ZNF264: variants seen among roughly 807,000 people sequenced by gnomAD.
ZNF264 encodes zinc finger protein 264.
A neutral mutation model predicts 11.2 loss-of-function variants in ZNF264; 11 were observed. That is an observed-to-expected ratio of 0.98 (90% confidence interval 0.62 to 1.63). The LOEUF is 1.63. ZNF264 is among the 40% of genes most tolerant of loss of function. ZNF264 has a pLI of 0.00. For synonymous variants in ZNF264, 309 were observed against 279.8 expected (o/e 1.10, Z -1.04); for missense variants, 752 against 768.1 (o/e 0.98, Z 0.25).
rs201625586 is a variant in ZNF264, at chr19:57,211,465, T to G, written c.368T>G (p.Leu123Trp). The change falls in exon 4 of 4, where the codon TTG becomes TGG. Residue 123 changes from leucine to tryptophan, a missense_variant. By Grantham distance (61) the Leu-to-Trp change is moderately conservative (BLOSUM62 -2). Coordinates refer to ENST00000263095, the MANE Select transcript of ZNF264 (RefSeq NM_003417.5). ...VTQGNSVDSQ[L>W]GQAEDQDGLS... The stretch of plus-strand genomic sequence containing the variant: ...CAAGGAAACTCAGTGGACTCACAGT[T>G]GGGGCAAGCCGAGGATCAGGATGGG... 6 of 1,613,972 alleles carry G rather than the reference T, an allele frequency of 3.7e-6. No homozygotes were observed. Among genetic ancestry groups the G allele is most frequent in the Non-Finnish European group, 4.2e-6 (5 of 1,180,026 alleles).
At chr19:57,209,415 A>G (rs1201544880) in intron 3 of ZNF264, among the ~76,000 whole-genome samples, 1 of 152,196 alleles carries the variant, frequency 6.6e-6, no homozygotes, top group East Asian at 1.9e-4. Context: ...ATCAAGTTCC[A>G]TAGTTAAGTA....
chr19:57,200,729 A>T (rs1482316192), intron 2 of ZNF264, among the ~76,000 whole-genome samples: 1 of 151,792 alleles, frequency 6.6e-6, no homozygotes, highest in African/African-American at 2.4e-5. Context: ...CTCATGCCTC[A>T]GCCACTTAAG....
At chr19:57,192,011 G>A in intron 1 of ZNF264, 65 bp downstream of exon 1, 1 of 1,418,924 alleles carries the variant, frequency 7.0e-7, no homozygotes. Context: ...TCCGAAGTGG[G>A]TGGGAGCCCA....
rs2087353584 is a variant in ZNF264, at chr19:57,213,046, T to C, written c.*65T>C. ...AGTCATATTAGAAATTCGTTCAGTC[T>C]AGAGCCTTATTCTCCATCTGATAAT... On this transcript the variant is annotated 3_prime_UTR_variant, in exon 4 of 4. Transcript: ENST00000263095. The C allele has an allele frequency of 6.8e-7, 1 of 1,467,830 alleles. No homozygotes were observed. The highest frequency in any genetic ancestry group is 1.3e-5 in the South Asian group (1 of 75,618). 90.9% of individuals were successfully genotyped at this position (1,467,830 alleles called of 1,614,324 possible). A position where few individuals can be genotyped will look rare whatever the true frequency, so the allele number is the denominator to read the frequency against.
rs903726558 is a variant in ZNF264 at position 57,200,733 on chromosome 19, A to G, written c.161-4664A>G. 1.4e-4 allele frequency among the ~76,000 whole-genome samples: 21 copies of G among 151,614 alleles called. 1 individual carries two copies. The highest frequency in any genetic ancestry group is 1.3e-3 in the Admixed American group (20 of 15,214). On this transcript the variant is annotated intron_variant, in intron 2 of 3. Transcript: ENST00000263095. ...TTCAAGCAATTCTCATGCCTCAGCC[A>G]CTTAAGTAGCTGGGACTACAGGTGT...
At position 57,213,012 on chromosome 19, in the gene ZNF264, C is replaced by T. The variant is rs888183493; in HGVS notation, c.*31C>T. ...CCTTCTGTTGCTGAATATTACTTGT[C>T]ATCTGAAGAGTCATATTAGAAATTC... is the stretch of plus-strand genomic sequence containing the variant. On this transcript the variant is annotated 3_prime_UTR_variant, in exon 4 of 4. Coordinates refer to ENST00000263095, the MANE Select transcript of ZNF264 (RefSeq NM_003417.5). The T allele has an allele frequency of 6.4e-7, 1 of 1,574,060 alleles. No individual in the cohort carries two copies. The highest frequency in any genetic ancestry group is 8.6e-7 in the Non-Finnish European group (1 of 1,159,286).
Position 57,219,379 on chromosome 19 carries a change from C to T in ZNF264, c.*6398C>T, listed in dbSNP as rs1483167751. 6.6e-6 allele frequency: 1 copy of T among 152,270 alleles called. No homozygotes were observed. Among genetic ancestry groups the T allele is most frequent in the Non-Finnish European group, 1.5e-5 (1 of 68,118 alleles). The allele number at this position is 152,270 out of a possible 1,614,324, so 9.4% of individuals were successfully genotyped here. A position where few individuals can be genotyped will look rare whatever the true frequency, so the allele number is the denominator to read the frequency against. The stretch of plus-strand genomic sequence containing the variant: ...TCTGTATCTGTATTCAAGTCTCTAT[C>T]CTCATCCCCAAATGGATTTCACCCC... On this transcript the variant is annotated 3_prime_UTR_variant, in exon 4 of 4. Coordinates refer to ENST00000263095, the MANE Select transcript of ZNF264 (RefSeq NM_003417.5).
intron 3 of ZNF264, 84 bp downstream of exon 3, chr19:57,205,576 G>C: frequency 8.0e-7 from 1 of 1,242,812 alleles, no homozygotes; most frequent in Non-Finnish European, 1.2e-6. Flanking sequence ...CTCTTGGGAA[G>C]CTTCTCATTG....
Position 57,211,974 on chromosome 19 carries a change from G to T in ZNF264, c.877G>T (p.Gly293Ter). 6.2e-7 allele frequency: 1 copy of T among 1,614,036 alleles called. No individual in the cohort carries two copies. Among genetic ancestry groups the T allele is most frequent in the African/African-American group, 1.3e-5 (1 of 74,980 alleles). ...GEKPYKCNEC[G>*]KAFTHRSNFV... ...GAAGCCTTACAAGTGCAATGAATGCGGAAAGGCCTTCACCCACCGCTCCAA... is the reference window on the plus strand; with the variant it reads ...GAAGCCTTACAAGTGCAATGAATGCTGAAAGGCCTTCACCCACCGCTCCAA... The change falls in exon 4 of 4, where the codon GGA (glycine) becomes TGA (stop). Residue 293 changes from glycine to a stop codon, truncating the protein, a stop_gained. Coordinates refer to ENST00000263095, the MANE Select transcript of ZNF264 (RefSeq NM_003417.5). LOFTEE classifies it low-confidence loss of function (END_TRUNC).
In ZNF264 at chr19:57,220,153, T is replaced by A. The variant is rs2087407238; in HGVS notation, c.*7172T>A. 1 of 152,262 alleles carries A rather than the reference T, an allele frequency of 6.6e-6. No individual in the cohort carries two copies. Among genetic ancestry groups the A allele is most frequent in the African/African-American group, 2.4e-5 (1 of 41,464 alleles). The allele number at this position is 152,262 out of a possible 1,614,324, so 9.4% of individuals were successfully genotyped here. The stretch of plus-strand genomic sequence containing the variant: ...GAGGCCACGTAGACTGGCTTCAGAA[T>A]TCATGTCTTTAACCACTTTATTGCT... On this transcript the variant is annotated 3_prime_UTR_variant, in exon 4 of 4. Transcript: ENST00000263095.
At chr19:57,203,514 C>T (rs2122749462) in intron 2 of ZNF264, among the ~76,000 whole-genome samples, 1 of 152,262 alleles carries the variant, frequency 6.6e-6, no homozygotes, top group Non-Finnish European at 1.5e-5. Flanking sequence ...AAACCTTCAT[C>T]TATGAAGCTG....
chr19:57,193,669 C>T (rs1286299862), intron 1 of ZNF264: 5 of 616,136 alleles, frequency 8.1e-6, no homozygotes, highest in Non-Finnish European at 1.0e-5. Flanking sequence ...CTCTAACGGC[C>T]GTTAAATAGG....
rs2087352869 is a variant in ZNF264 at position 57,212,971 on chromosome 19, C to T, written c.1874C>T (p.Ser625Phe). ...TACCAAAGAGAAACCCCACAAGTGT[C>T]TTCACTGTGAGAAAACCTTCTGTTG... Reference protein sequence around the residue: ...QPYQRETPQVSSL With the variant: ...QPYQRETPQVFSL Residue 625 changes from serine to phenylalanine, a missense_variant, in exon 4 of 4, where the codon TCT becomes TTT. Transcript: ENST00000263095. 1 of 1,603,696 alleles carries T rather than the reference C, an allele frequency of 6.2e-7. No homozygotes were observed. Among genetic ancestry groups the T allele is most frequent in the South Asian group, 1.1e-5 (1 of 90,506 alleles).
chr19:57,191,638 C>A lies in ZNF264; in HGVS notation c.-276C>A, dbSNP rs1599942744. 2.6e-6 allele frequency: 1 copy of A among 384,078 alleles called. No individual in the cohort carries two copies. The highest frequency in any genetic ancestry group is 2.1e-5 in the African/African-American group (1 of 47,944). The allele number at this position is 384,078 out of a possible 1,614,324, so 23.8% of individuals were successfully genotyped here. On this transcript the variant is annotated 5_prime_UTR_variant, in exon 1 of 4. Transcript: ENST00000263095. ...CCGCACCTTTGTACGAGCCTGACCCCTTCCGTGGGTTTGTTCCTGGGTCGC... is the reference window on the plus strand; with the variant it reads ...CCGCACCTTTGTACGAGCCTGACCCATTCCGTGGGTTTGTTCCTGGGTCGC...
intron 2 of ZNF264, among the ~76,000 whole-genome samples, chr19:57,204,022 T>C (rs1414043552): frequency 6.6e-6 from 1 of 152,038 alleles, no homozygotes; most frequent in Admixed American, 6.5e-5. Flanking sequence ...CTGTCTCTAC[T>C]GAAAATCCAA....
In ZNF264 at chr19:57,216,552, C is replaced by A. The variant is rs1319147709; in HGVS notation, c.*3571C>A. On this transcript the variant is annotated 3_prime_UTR_variant, in exon 4 of 4. Transcript: ENST00000263095. Reference sequence around the variant, plus strand: ...TTTTAATAGTCTTGTCAATACTTTACCTGATGTTCTCATAGTGACTCCTGC... The same window carrying A: ...TTTTAATAGTCTTGTCAATACTTTAACTGATGTTCTCATAGTGACTCCTGC... 6.6e-6 allele frequency: 1 copy of A among 152,104 alleles called. No homozygotes were observed. The highest frequency in any genetic ancestry group is 6.5e-5 in the Admixed American group (1 of 15,272). The allele number at this position is 152,104 out of a possible 1,614,324, so 9.4% of individuals were successfully genotyped here.
chr19:57,194,738 C>T (rs1201294621), intron 2 of ZNF264: 3 of 399,528 alleles, frequency 7.5e-6, no homozygotes, highest in Non-Finnish European at 1.3e-5. Flanking sequence ...TTTCCCAGCC[C>T]ACTGACTCAA....
intron 2 of ZNF264, among the ~76,000 whole-genome samples, chr19:57,195,188 A>G (rs1221155512): frequency 6.6e-6 from 1 of 152,260 alleles, no homozygotes; most frequent in African/African-American, 2.4e-5. Flanking sequence ...ACATAATACA[A>G]GTATCGTTCA....
rs758179801 is a variant in ZNF264, at chr19:57,211,355, C to A, written c.258C>A (p.Gly86=). The change falls in exon 4 of 4, where the codon GGC becomes GGA. Residue 86 remains glycine (G), a splice_region_variant and synonymous_variant. Transcript: ENST00000263095. ...TTTTGTGTGCTGGATTTCTTTCAGG[C>A]GACAAAGGAAAACCTAAGACCACAG... ...KEDLSQDTCP[G]DKGKPKTTEP... The A allele has an allele frequency of 2.5e-6, 4 of 1,588,950 alleles. No homozygotes were observed. Among genetic ancestry groups the A allele is most frequent in the African/African-American group, 2.7e-5 (2 of 73,798 alleles).
Sources: gnomAD v4.1 joint callset for allele counts (sites outside exome capture counted in the v4.1 genomes callset) on GRCh38, gnomAD v4.1.1 for gene constraint, MANE v1.5 for transcripts, NCBI Gene and HGNC (gene_info 2026-07-23, HGNC 2026-07-21) for gene names.